Variants in EXT1 observed in about 807,000 individuals in gnomAD.
EXT1 encodes the protein exostosin glycosyltransferase 1, also known as exostosin-1.
A neutral mutation model predicts 82.5 loss-of-function variants in EXT1; 20 were observed. The observed-to-expected ratio is 0.24, with a 90% CI of 0.17 to 0.35. The LOEUF (loss-of-function observed/expected upper bound fraction) is 0.35. Ranked by LOEUF, EXT1 falls within the 10% of genes least tolerant of loss-of-function variation. EXT1 has a pLI of 1.00. For synonymous variants in EXT1, 348 were observed against 350.8 expected, an observed-to-expected ratio of 0.99 and a Z score of 0.09; for missense variants, 757 against 936.5, an observed-to-expected ratio of 0.81 and a Z score of 2.50.
At chr8:117,812,834 A>AGGC (rs760951142) in intron 8 of EXT1, 38 bp downstream of exon 8, 1 of 1,578,884 alleles carries the variant, frequency 6.3e-7, no homozygotes, top group Admixed American at 1.7e-5. Context: ...TGACTGCCTG[A>AGGC]ACAGCCCACC....
Position 117,836,424 on chromosome 8 carries a change from G to T in EXT1, c.1056+684C>A, listed in dbSNP as rs144324114. ...CACTGCAGCAAAAGCACAGATTTAG[G>T]CATGGTGCAGGGCAAGAGGAGGAAA... On this transcript the variant is annotated intron_variant, in intron 2 of 10. Transcript: ENST00000378204. Among the ~76,000 whole-genome samples the T allele has an allele frequency of 6.6e-5, 10 of 152,308 alleles. No individual in the cohort carries two copies. The East Asian group carries it at 1.9e-3, about 29-fold the overall frequency.
intron 1 of EXT1, among the ~76,000 whole-genome samples, chr8:118,061,688 A>T (rs1281142841): frequency 1.3e-5 from 2 of 152,194 alleles, no homozygotes; most frequent in African/African-American, 4.8e-5. Context: ...ATTCTGCAGC[A>T]AGTCATCTGA....
At chr8:117,966,030 A>G (rs1296274796) in intron 1 of EXT1, among the ~76,000 whole-genome samples, 2 of 152,148 alleles carry the variant, frequency 1.3e-5, no homozygotes. Flanking sequence ...ACACGCACAT[A>G]TACATATATA....
At chr8:117,867,118 A>G (rs1322601068) in intron 1 of EXT1, among the ~76,000 whole-genome samples, 1 of 151,976 alleles carries the variant, frequency 6.6e-6, no homozygotes, top group African/African-American at 2.4e-5. Flanking sequence ...AATTCGCTGG[A>G]CATGATGGTG....
At chr8:118,004,546 G>C (rs1815736344) in intron 1 of EXT1, among the ~76,000 whole-genome samples, 1 of 152,136 alleles carries the variant, frequency 6.6e-6, no homozygotes, top group Non-Finnish European at 1.5e-5. Flanking sequence ...AAACCAAAGA[G>C]GGAGCACAGC....
chr8:117,815,748 T>C (rs972349539), intron 7 of EXT1, among the ~76,000 whole-genome samples: 2 of 152,020 alleles, frequency 1.3e-5, no homozygotes, highest in African/African-American at 4.8e-5. Context: ...CTGACTAACA[T>C]GGAGAAACCC....
chr8:117,837,274 G>C, intron 1 of EXT1, 73 bp from the exon 2 acceptor site: 1 of 1,250,044 alleles, frequency 8.0e-7, no homozygotes, highest in Admixed American at 1.7e-5. Flanking sequence ...ATAGGTGGGC[G>C]CCCATGTGCA....
chr8:117,858,435 G>A (rs1812605798), intron 1 of EXT1, among the ~76,000 whole-genome samples: 1 of 152,160 alleles, frequency 6.6e-6, no homozygotes, highest in African/African-American at 2.4e-5. Flanking sequence ...ACTTTGGGAG[G>A]CTGAGGCAGG....
At position 117,795,964 on chromosome 8, in the gene EXT1, G is replaced by A. The variant is rs1048615839; in HGVS notation, c.*3748C>T. ...CTGTAAGCATGCCTGAGAAAATGAG[G>A]CTGATAGTGAAAGAAATTTCTTGGT... On this transcript the variant is annotated 3_prime_UTR_variant, in exon 11 of 11. Transcript: ENST00000378204. 4 of 139,282 alleles carry A rather than the reference G, an allele frequency of 2.9e-5. No individual in the cohort carries two copies. The highest frequency in any genetic ancestry group is 2.0e-4 in the East Asian group (1 of 5,022). The allele number at this position is 139,282 out of a possible 1,614,324, so 8.6% of individuals were successfully genotyped here.
At chr8:117,846,893 CCT>C (rs1003530866) in intron 1 of EXT1, among the ~76,000 whole-genome samples, 2 of 152,028 alleles carry the variant, frequency 1.3e-5, no homozygotes, top group African/African-American at 4.8e-5. Context: ...CCTACATGCC[CCT>C]CTTTCCTTCT....
rs1563582149 is a variant in EXT1, at chr8:117,858,809, GC to G, written c.963-21609del. Among the ~76,000 whole-genome samples, 203 of 68,904 alleles carry G rather than the reference GC, an allele frequency of 2.9e-3. 17 individuals are homozygous for G. The highest frequency in any genetic ancestry group is 0.014 in the African/African-American group (196 of 13,628). The allele number at this position is 68,904 out of a possible 152,430, so 45.2% of individuals were successfully genotyped here. On this transcript the variant is annotated intron_variant, in intron 1 of 10. Coordinates refer to ENST00000378204, the MANE Select transcript of EXT1 (RefSeq NM_000127.3). ...GGCAGGCAAGGCAAGGCAAGGCAAG[GC>G]AGGAAGGAAGGAAGGAAGGAAGGAA...
chr8:117,969,188 A>C (rs2129737008), intron 1 of EXT1, among the ~76,000 whole-genome samples: 1 of 152,354 alleles, frequency 6.6e-6, no homozygotes, highest in Middle Eastern at 3.4e-3. Flanking sequence ...AAAAATGTGA[A>C]CAACTGAGAT....
At chr8:117,974,258 A>G (rs1797854296) in intron 1 of EXT1, among the ~76,000 whole-genome samples, 1 of 152,210 alleles carries the variant, frequency 6.6e-6, no homozygotes, top group African/African-American at 2.4e-5. Flanking sequence ...GAAGAGATCA[A>G]TTCAAAATAT....
At chr8:117,903,438 CTA>C (rs1437775927) in intron 1 of EXT1, among the ~76,000 whole-genome samples, 2 of 152,106 alleles carry the variant, frequency 1.3e-5, no homozygotes, top group African/African-American at 2.4e-5. Flanking sequence ...CTTAAAAACT[CTA>C]TGTTTATTGT....
intron 1 of EXT1, among the ~76,000 whole-genome samples, chr8:117,943,104 T>C (rs1814320138): frequency 6.6e-6 from 1 of 152,262 alleles, no homozygotes; most frequent in Admixed American, 6.5e-5. Context: ...GTAGAAGCCC[T>C]AAGAAGTTTA....
intron 1 of EXT1, among the ~76,000 whole-genome samples, chr8:118,057,549 T>TA (rs201372602): frequency 2.0e-5 from 3 of 147,532 alleles, no homozygotes; most frequent in Non-Finnish European, 3.0e-5. Context: ...CATCTTAATT[T>TA]AAAAAAAAAG....
At chr8:117,945,156 C>A (rs536299328) in intron 1 of EXT1, among the ~76,000 whole-genome samples, 35 of 152,234 alleles carry the variant, frequency 2.3e-4, no homozygotes, top group East Asian at 1.9e-4. Context: ...AGCGAGACTC[C>A]GTCTCAAGAA....
chr8:117,825,201 G>A (rs989409231), intron 4 of EXT1, among the ~76,000 whole-genome samples: 3 of 151,982 alleles, frequency 2.0e-5, no homozygotes, highest in Non-Finnish European at 2.9e-5. Context: ...CTTGTCAAAG[G>A]GTATAAATAC....
chr8:118,007,752 G>A (rs868359308), intron 1 of EXT1, among the ~76,000 whole-genome samples: 1 of 152,142 alleles, frequency 6.6e-6, no homozygotes, highest in Non-Finnish European at 1.5e-5. Context: ...AGATAAGAAA[G>A]GAACAGGGAG....
Sources: allele counts gnomAD v4.1 joint callset (sites outside exome capture counted in the v4.1 genomes callset), GRCh38; gene constraint gnomAD v4.1.1; transcripts MANE v1.5; gene names NCBI Gene and HGNC (gene_info 2026-07-23, HGNC 2026-07-21).